Variants in PPARD observed in about 807,000 individuals in gnomAD.
The protein encoded by PPARD is peroxisome proliferator activated receptor delta.
In PPARD, 6 loss-of-function variants were observed where a neutral mutation model predicts 39.5. That is an observed-to-expected ratio of 0.15 (90% CI 0.08 to 0.30). PPARD has a LOEUF of 0.30. Ranked by LOEUF, PPARD falls within the 10% of genes least tolerant of loss-of-function variation. The pLI is 1.00. For missense variants in PPARD, 397 were observed against 596.8 expected (o/e 0.67, Z 3.49); for synonymous variants, 210 against 231.3 (o/e 0.91, Z 0.83).
rs79854760 is a variant in PPARD at position 35,415,963 on chromosome 6, C to T, written c.131-4164C>T. On this transcript the variant is annotated intron_variant, in intron 3 of 7. Transcript: ENST00000360694. ...CAGAATTTCCTGTTCCACAGTGGGG[C>T]CACGGTAGGCACTCAGTCTTTTTTC... 5.0e-3 allele frequency among the ~76,000 whole-genome samples: 763 copies of T among 152,250 alleles called. 7 individuals are homozygous for T. Among genetic ancestry groups the T allele is most frequent in the African/African-American group, 0.016 (685 of 41,536 alleles).
intron 3 of PPARD, among the ~76,000 whole-genome samples, chr6:35,415,627 A>C (rs546880888): frequency 6.6e-6 from 1 of 152,192 alleles, no homozygotes; most frequent in Non-Finnish European, 1.5e-5. Flanking sequence ...TGTTCATCAT[A>C]ATAATGTTAT....
At chr6:35,400,960 G>C (rs935013425) in intron 2 of PPARD, among the ~76,000 whole-genome samples, 1 of 152,144 alleles carries the variant, frequency 6.6e-6, no homozygotes, top group Non-Finnish European at 1.5e-5. Flanking sequence ...CTGGGAATGT[G>C]GCTGTTAGTA....
chr6:35,370,515 A>G (rs1008461441), intron 2 of PPARD, among the ~76,000 whole-genome samples: 1 of 152,192 alleles, frequency 6.6e-6, no homozygotes, highest in Non-Finnish European at 1.5e-5. Context: ...GTCTGATGCA[A>G]CTGGCCCAGT....
chr6:35,421,318 T>C (rs1050611479), intron 4 of PPARD, among the ~76,000 whole-genome samples: 10 of 23,152 alleles, frequency 4.3e-4, no homozygotes, highest in African/African-American at 6.4e-4. Flanking sequence ...TGTTTTTTTT[T>C]TGTTTTGTTT....
At chr6:35,403,080 A>AG (rs1018410830) in intron 2 of PPARD, among the ~76,000 whole-genome samples, 8 of 152,144 alleles carry the variant, frequency 5.3e-5, no homozygotes, top group African/African-American at 1.9e-4. Flanking sequence ...TGCCCAGAGT[A>AG]GGGGGCTCCC....
chr6:35,392,657 G>A (rs1477397874), intron 2 of PPARD, among the ~76,000 whole-genome samples: 2 of 152,150 alleles, frequency 1.3e-5, no homozygotes, highest in Non-Finnish European at 2.9e-5. Context: ...GGGAGACACC[G>A]CCTACGTGCT....
At chr6:35,398,084 G>A (rs1344277396) in intron 2 of PPARD, among the ~76,000 whole-genome samples, 2 of 152,170 alleles carry the variant, frequency 1.3e-5, no homozygotes, top group Admixed American at 6.5e-5. Flanking sequence ...AGTTCCAGAA[G>A]GACTTGCTGG....
chr6:35,371,027 C>G (rs1204655145), intron 2 of PPARD, among the ~76,000 whole-genome samples: 2 of 152,202 alleles, frequency 1.3e-5, no homozygotes, highest in East Asian at 1.9e-4. Flanking sequence ...AAGATGCTGC[C>G]TCATGTAACT....
chr6:35,383,387 C>T (rs1763263114), intron 2 of PPARD, among the ~76,000 whole-genome samples: 1 of 150,734 alleles, frequency 6.6e-6, no homozygotes, highest in Admixed American at 6.6e-5. Flanking sequence ...CTACAACCTC[C>T]ACCTCCCAGC....
At chr6:35,375,933 T>C (rs1003397517) in intron 2 of PPARD, among the ~76,000 whole-genome samples, 8 of 152,226 alleles carry the variant, frequency 5.3e-5, no homozygotes, top group African/African-American at 1.9e-4. Flanking sequence ...TTAGAGGAAA[T>C]AGTACAATGA....
chr6:35,408,895 C>T (rs746330512), intron 2 of PPARD, among the ~76,000 whole-genome samples: 5 of 152,170 alleles, frequency 3.3e-5, no homozygotes, highest in Non-Finnish European at 7.3e-5. Context: ...TACTATTAAC[C>T]AAAGTCAGTG....
At chr6:35,360,358 A>G (rs1421544041) in intron 2 of PPARD, among the ~76,000 whole-genome samples, 1 of 151,900 alleles carries the variant, frequency 6.6e-6, no homozygotes, top group African/African-American at 2.4e-5. Context: ...AGGGAGGGAA[A>G]TTGCCTTTAT....
chr6:35,353,952 G>T (rs941144144), intron 2 of PPARD, among the ~76,000 whole-genome samples: 1 of 152,152 alleles, frequency 6.6e-6, no homozygotes, highest in African/African-American at 2.4e-5. Context: ...AGCCATACAC[G>T]GCTGGGCGCA....
At chr6:35,352,630 T>G (rs944287935) in intron 2 of PPARD, among the ~76,000 whole-genome samples, 2 of 152,222 alleles carry the variant, frequency 1.3e-5, no homozygotes, top group Non-Finnish European at 2.9e-5. Flanking sequence ...TGGTTCTTGC[T>G]TGGGATATGT....
intron 2 of PPARD, among the ~76,000 whole-genome samples, chr6:35,386,348 A>C (rs974740740): frequency 2.2e-4 from 29 of 134,326 alleles, no homozygotes; most frequent in South Asian, 4.8e-4. Flanking sequence ...TCAGTGAGCC[A>C]GGTGTGGCAG....
intron 4 of PPARD, 107 bp from the exon 5 acceptor site, chr6:35,421,713 A>G (rs1389354098): frequency 8.0e-7 from 1 of 1,242,866 alleles, no homozygotes; most frequent in East Asian, 2.6e-5. Flanking sequence ...TCTTCTCGTT[A>G]CTTCCAAATG....
intron 2 of PPARD, chr6:35,348,596 G>A (rs1761029600): frequency 5.1e-6 from 5 of 985,444 alleles, no homozygotes; most frequent in Non-Finnish European, 6.0e-6. Context: ...GGTTCCAGTA[G>A]CTGTTTGTGG....
chr6:35,397,413 C>T (rs1381181527), intron 2 of PPARD: 1 of 433,366 alleles, frequency 2.3e-6, no homozygotes, highest in East Asian at 1.6e-4. Context: ...TAGCCAGACG[C>T]TGCTAGGCCC....
At chr6:35,391,838 GT>G (rs1358450335) in intron 2 of PPARD, among the ~76,000 whole-genome samples, 1 of 152,144 alleles carries the variant, frequency 6.6e-6, no homozygotes, top group Non-Finnish European at 1.5e-5. Context: ...AAGTGAAGCA[GT>G]TTGCCCAAAG....
Sources: gnomAD v4.1 joint callset for allele counts (sites outside exome capture counted in the v4.1 genomes callset) on GRCh38, gnomAD v4.1.1 for gene constraint, MANE v1.5 for transcripts, NCBI Gene and HGNC (gene_info 2026-07-23, HGNC 2026-07-21) for gene names.